TG: variants seen among roughly 807,000 people sequenced by gnomAD.
The protein encoded by TG is thyroglobulin.
TG carries 270 observed loss-of-function variants against 324.7 expected under a neutral mutation model. The ratio of observed to expected loss-of-function variants is 0.83; its 90% confidence interval spans 0.75 to 0.92. The LOEUF is 0.92. Ranked by LOEUF, TG falls within the 40% of genes least tolerant of loss-of-function variation. The probability of loss-of-function intolerance (pLI) is 0.00; values close to 1 mark genes in which losing one functional copy is unlikely to be tolerated. For missense variants in TG, 3,591 were observed against 3,456.4 expected (o/e 1.04, Z -0.98); for synonymous variants, 1,401 against 1,327.0 (o/e 1.06, Z -1.21).
At chr8:133,032,376 G>A (rs1299023439) in intron 41 of TG, among the ~76,000 whole-genome samples, 3 of 152,044 alleles carry the variant, frequency 2.0e-5, no homozygotes, top group Non-Finnish European at 2.9e-5. Flanking sequence ...ATTTCTCCAG[G>A]GCCCTTTCAA....
chr8:132,983,772 C>T, intron 35 of TG: 2 of 375,006 alleles, frequency 5.3e-6, no homozygotes, highest in South Asian at 2.3e-5. Flanking sequence ...TTATTTATGG[C>T]CAAAAAGGGA....
At chr8:133,017,559 G>C (rs1345054450) in intron 37 of TG, 6 of 592,630 alleles carry the variant, frequency 1.0e-5, no homozygotes, top group Non-Finnish European at 1.2e-5. Flanking sequence ...GCATTTTGGT[G>C]CCTAATAAAG....
At chr8:133,037,186 G>C (rs1450877347) in intron 41 of TG, 1 of 152,190 alleles carries the variant, frequency 6.6e-6, no homozygotes, top group Non-Finnish European at 1.5e-5. Flanking sequence ...TTGAAACAGG[G>C]AAACATGAGT....
At chr8:132,925,219 T>A (rs922033959) in intron 22 of TG, among the ~76,000 whole-genome samples, 1 of 152,242 alleles carries the variant, frequency 6.6e-6, no homozygotes, top group Non-Finnish European at 1.5e-5. Flanking sequence ...GCACTTCTCT[T>A]GGTTCCATAG....
chr8:133,129,353 C>G (rs527443254), intron 45 of TG, among the ~76,000 whole-genome samples: 3 of 152,326 alleles, frequency 2.0e-5, no homozygotes, highest in African/African-American at 7.2e-5. Context: ...CATACAAGTT[C>G]ACGAGAGCTG....
At chr8:133,073,895 C>T (rs1250600151) in intron 41 of TG, among the ~76,000 whole-genome samples, 1 of 152,094 alleles carries the variant, frequency 6.6e-6, no homozygotes, top group African/African-American at 2.4e-5. Flanking sequence ...AAATAACAAT[C>T]ACAATCCTAT....
At chr8:133,056,074 C>A (rs990558034) in intron 41 of TG, among the ~76,000 whole-genome samples, 1 of 152,148 alleles carries the variant, frequency 6.6e-6, no homozygotes, top group African/African-American at 2.4e-5. Flanking sequence ...ACCAGGTCTC[C>A]CTGGGCAGGG....
At chr8:132,973,988 C>CTTTTTTTTT (rs869164425) in intron 34 of TG, among the ~76,000 whole-genome samples, 1 of 113,016 alleles carries the variant, frequency 8.8e-6, no homozygotes, top group Non-Finnish European at 1.7e-5. Flanking sequence ...TTGACCATTC[C>CTTTTTTTTT]TTTTTTTTTT....
At chr8:132,868,279 T>G in intron 2 of TG, 56 bp downstream of exon 2, 3 of 1,506,002 alleles carry the variant, frequency 2.0e-6, no homozygotes, top group Non-Finnish European at 2.8e-6. Context: ...AAAAAGCATC[T>G]TGTGCCTTCC....
Position 132,951,863 on chromosome 8 carries a change from G to A in TG, c.5401+2920G>A, listed in dbSNP as rs140819007. ...TAATAATTTAAATTCTAACTACAGC[G>A]TGAAGAACTGATAGATACCCTTTTC... On this transcript the variant is annotated intron_variant, in intron 27 of 47. Transcript: ENST00000220616. 1.7e-3 allele frequency among the ~76,000 whole-genome samples: 258 copies of A among 152,274 alleles called. 1 individual carries two copies. The Middle Eastern group carries it at 0.017, about 10-fold the overall frequency.
chr8:132,885,278 G>A (rs1815244994), intron 8 of TG, among the ~76,000 whole-genome samples: 1 of 152,194 alleles, frequency 6.6e-6, no homozygotes, highest in Admixed American at 6.5e-5. Flanking sequence ...AGTCAGCCTA[G>A]GATGTTCAGA....
At chr8:132,988,860 C>T in intron 35 of TG, 1 of 985,406 alleles carries the variant, frequency 1.0e-6, no homozygotes, top group Non-Finnish European at 1.2e-6. Context: ...GAGCATTCAG[C>T]TTGCCATTCT....
intron 43 of TG, among the ~76,000 whole-genome samples, chr8:133,107,454 A>G (rs946144067): frequency 6.6e-6 from 1 of 152,110 alleles, no homozygotes; most frequent in South Asian, 2.1e-4. Flanking sequence ...TCTAAGGCAG[A>G]CCCCGCCTGT....
At chr8:132,923,214 A>T in intron 21 of TG, 124 bp from the exon 22 acceptor site, 1 of 1,113,152 alleles carries the variant, frequency 9.0e-7, no homozygotes, top group Non-Finnish European at 1.3e-6. Context: ...GAAGAGTTTT[A>T]AGCTGGAATG....
At chr8:133,071,867 G>T (rs1218709085) in intron 41 of TG, among the ~76,000 whole-genome samples, 3 of 152,112 alleles carry the variant, frequency 2.0e-5, no homozygotes, top group Admixed American at 6.5e-5. Flanking sequence ...TTAGGATAGG[G>T]TTCATGTCTA....
At chr8:132,900,881 C>T (rs897009400) in intron 15 of TG, among the ~76,000 whole-genome samples, 1 of 152,186 alleles carries the variant, frequency 6.6e-6, no homozygotes, top group African/African-American at 2.4e-5. Context: ...TCTGGTCAGA[C>T]TTTGGAAAAA....
chr8:132,939,513 G>A (rs1388990479), intron 25 of TG, among the ~76,000 whole-genome samples: 1 of 152,230 alleles, frequency 6.6e-6, no homozygotes, highest in Non-Finnish European at 1.5e-5. Context: ...TTGGTGAAGA[G>A]TGGATTTGCA....
chr8:132,955,160 A>G (rs867158131), intron 27 of TG, among the ~76,000 whole-genome samples: 1 of 152,174 alleles, frequency 6.6e-6, no homozygotes, highest in Non-Finnish European at 1.5e-5. Context: ...CTGATTCTTC[A>G]TAATGGTCAT....
intron 41 of TG, chr8:133,048,000 C>T (rs983790638): frequency 4.4e-6 from 4 of 914,724 alleles, no homozygotes; most frequent in Non-Finnish European, 7.1e-6. Flanking sequence ...CAGGAATGCG[C>T]CACCCACCGT....
Sources: gnomAD v4.1 joint callset for allele counts (sites outside exome capture counted in the v4.1 genomes callset) on GRCh38, gnomAD v4.1.1 for gene constraint, MANE v1.5 for transcripts, NCBI Gene and HGNC (gene_info 2026-07-23, HGNC 2026-07-21) for gene names.